RETREG1: variants seen among roughly 807,000 people sequenced by gnomAD.
The protein encoded by RETREG1 is reticulophagy regulator 1.
A neutral mutation model predicts 54.8 loss-of-function variants in RETREG1; 44 were observed. The ratio of observed to expected loss-of-function variants is 0.80; its 90% CI spans 0.63 to 1.03. The LOEUF (loss-of-function observed/expected upper bound fraction) is 1.03, where lower values mean the gene tolerates loss of function less well. Among genes scored for constraint, RETREG1 ranks in the 50% least tolerant of loss-of-function variants. RETREG1 has a pLI of 0.00. For missense variants in RETREG1, 554 were observed against 605.1 expected (o/e 0.92, Z 0.89); for synonymous variants, 217 against 238.5 (o/e 0.91, Z 0.83).
In RETREG1 at chr5:16,473,561, G is replaced by T. The variant is rs963173567; in HGVS notation, c.*1180C>A. The stretch of plus-strand genomic sequence containing the variant: ...TTTAAGAGATTTTTGGTAGTTGCTG[G>T]CATGGTCCCTCGACACTTAAAGTTT... On this transcript the variant is annotated 3_prime_UTR_variant, in exon 9 of 9. Coordinates refer to ENST00000306320, the MANE Select transcript of RETREG1 (RefSeq NM_001034850.3). The T allele has an allele frequency of 6.6e-6, 1 of 152,508 alleles. No homozygotes were observed. Among genetic ancestry groups the T allele is most frequent in the Non-Finnish European group, 1.5e-5 (1 of 67,996 alleles). The allele number at this position is 152,508 out of a possible 1,614,324, so 9.4% of individuals were successfully genotyped here. A position where few individuals can be genotyped will look rare whatever the true frequency, so the allele number is the denominator to read the frequency against.
At chr5:16,479,131 T>C in intron 5 of RETREG1, 144 bp from the exon 6 acceptor site, 1 of 766,792 alleles carries the variant, frequency 1.3e-6, no homozygotes, top group Non-Finnish European at 2.1e-6. Context: ...AAGTTTATAA[T>C]TTCTATTCTT....
intron 1 of RETREG1, among the ~76,000 whole-genome samples, chr5:16,596,650 C>T (rs959417374): frequency 4.1e-4 from 63 of 152,148 alleles, no homozygotes; most frequent in African/African-American, 1.5e-3. Context: ...TCCCACAAAG[C>T]CAGGCCAATT....
At chr5:16,512,650 A>G (rs1022991180) in intron 3 of RETREG1, among the ~76,000 whole-genome samples, 1 of 151,724 alleles carries the variant, frequency 6.6e-6, no homozygotes. Context: ...CTGAGACACT[A>G]GGAGAGACCT....
rs1455337836 is a variant in RETREG1 at position 16,483,319 on chromosome 5, A to G, written c.585+27T>C. On this transcript the variant is annotated intron_variant, in intron 4 of 8. Coordinates refer to ENST00000306320, the MANE Select transcript of RETREG1 (RefSeq NM_001034850.3). Reference sequence around the variant, plus strand: ...GTTTCCAAGTAACTGAACATTTTAAAACATACTCCTTTACTGGAAAACTTG... The same window carrying G: ...GTTTCCAAGTAACTGAACATTTTAAGACATACTCCTTTACTGGAAAACTTG... 3.1e-6 allele frequency: 5 copies of G among 1,612,394 alleles called. No individual in the cohort carries two copies. The Admixed American group carries it at 5.0e-5, about 16-fold the overall frequency.
intron 3 of RETREG1, among the ~76,000 whole-genome samples, chr5:16,545,170 C>T (rs534962407): frequency 6.6e-6 from 1 of 152,304 alleles, no homozygotes; most frequent in African/African-American, 2.4e-5. Context: ...GGTTCCCCTA[C>T]AAGCTCTTCC....
At chr5:16,502,237 C>T (rs1349973871) in intron 3 of RETREG1, among the ~76,000 whole-genome samples, 1 of 152,136 alleles carries the variant, frequency 6.6e-6, no homozygotes, top group Non-Finnish European at 1.5e-5. Context: ...GGATTACAGG[C>T]GTGAGCCACC....
intron 4 of RETREG1, chr5:16,483,106 G>A: frequency 2.1e-6 from 1 of 486,636 alleles, no homozygotes; most frequent in South Asian, 2.4e-5. Flanking sequence ...TTTAGCTAAT[G>A]AGCTAGATAA....
In RETREG1 at chr5:16,554,900, C is replaced by T. The variant is rs115833968; in HGVS notation, c.458+10863G>A. 8.5e-3 allele frequency among the ~76,000 whole-genome samples: 1,291 copies of T among 152,236 alleles called. 11 individuals are homozygous for T. The highest frequency in any genetic ancestry group is 0.029 in the African/African-American group (1,204 of 41,538). On this transcript the variant is annotated intron_variant, in intron 3 of 8. Transcript: ENST00000306320. ...GGGCCTTTGCACTCCCTGTTCCTGC[C>T]GCCTAAAAGCTCTTCATACAGACGC... is the stretch of plus-strand genomic sequence containing the variant.
At chr5:16,503,394 C>T (rs375019065) in intron 3 of RETREG1, among the ~76,000 whole-genome samples, 22 of 152,188 alleles carry the variant, frequency 1.4e-4, no homozygotes, top group East Asian at 5.8e-4. Context: ...ATAGACCAAG[C>T]GCAGTGGCTC....
At chr5:16,581,617 C>T (rs1742486019) in intron 1 of RETREG1, among the ~76,000 whole-genome samples, 1 of 152,036 alleles carries the variant, frequency 6.6e-6, no homozygotes, top group African/African-American at 2.4e-5. Flanking sequence ...TTAGCCCAGG[C>T]ACTTGTGACC....
chr5:16,532,266 C>G (rs901314828), intron 3 of RETREG1, among the ~76,000 whole-genome samples: 7 of 152,192 alleles, frequency 4.6e-5, no homozygotes, highest in Non-Finnish European at 7.3e-5. Flanking sequence ...GTGGCTCATG[C>G]CTGTAATCCC....
intron 1 of RETREG1, among the ~76,000 whole-genome samples, chr5:16,582,140 A>G (rs1157012969): frequency 1.3e-5 from 2 of 152,258 alleles, no homozygotes; most frequent in African/African-American, 4.8e-5. Context: ...GTCTATGTGT[A>G]TAATAAATAC....
At chr5:16,574,405 G>A (rs1178947269) in intron 1 of RETREG1, among the ~76,000 whole-genome samples, 2 of 152,216 alleles carry the variant, frequency 1.3e-5, no homozygotes, top group African/African-American at 2.4e-5. Context: ...GCAACAGGAA[G>A]GATGTGACGG....
chr5:16,487,000 A>G (rs1275483738), intron 3 of RETREG1, among the ~76,000 whole-genome samples: 2 of 152,200 alleles, frequency 1.3e-5, no homozygotes, highest in African/African-American at 4.8e-5. Context: ...CATAACTAGA[A>G]AAAAGATCTC....
chr5:16,482,449 T>TA (rs202193728), intron 4 of RETREG1, among the ~76,000 whole-genome samples: 4,572 of 141,404 alleles, frequency 0.032, 70 homozygotes, highest in Admixed American at 0.044. Context: ...GTATCTATGC[T>TA]AAAAAAAAAA....
chr5:16,518,705 G>C (rs1411602789), intron 3 of RETREG1, among the ~76,000 whole-genome samples: 1 of 152,186 alleles, frequency 6.6e-6, no homozygotes, highest in Non-Finnish European at 1.5e-5. Flanking sequence ...AGCCTCTACA[G>C]CTTCAGGATT....
intron 4 of RETREG1, chr5:16,483,137 C>A: frequency 1.8e-6 from 1 of 569,610 alleles, no homozygotes; most frequent in Non-Finnish European, 3.1e-6. Flanking sequence ...AATGTAAAAC[C>A]AATCCAATTT....
At chr5:16,565,541 G>A (rs1387088518) in intron 3 of RETREG1, among the ~76,000 whole-genome samples, 1 of 151,866 alleles carries the variant, frequency 6.6e-6, no homozygotes, top group Non-Finnish European at 1.5e-5. Flanking sequence ...AATTCATGTT[G>A]CCCAGTATCA....
chr5:16,609,519 A>G (rs1743282060), intron 1 of RETREG1, among the ~76,000 whole-genome samples: 1 of 152,218 alleles, frequency 6.6e-6, no homozygotes, highest in Non-Finnish European at 1.5e-5. Context: ...AAGAAATTCT[A>G]TCTCAGGCTG....
Sources: gnomAD v4.1 joint callset for allele counts (sites outside exome capture counted in the v4.1 genomes callset) on GRCh38, gnomAD v4.1.1 for gene constraint, MANE v1.5 for transcripts, NCBI Gene and HGNC (gene_info 2026-07-23, HGNC 2026-07-21) for gene names.